The following KLHL1 variants were observed in gnomAD, a reference collection of about 807,000 sequenced individuals.
The protein encoded by KLHL1 is kelch like family member 1, also known as kelch-like protein 1.
In KLHL1, 47 loss-of-function variants were observed where a neutral mutation model predicts 77.7. The observed-to-expected ratio is 0.60, with a 90% CI of 0.48 to 0.77. The LOEUF (loss-of-function observed/expected upper bound fraction) is 0.77. Ranked by LOEUF, KLHL1 falls within the 30% of genes least tolerant of loss-of-function variation. The pLI, the probability that KLHL1 is intolerant of heterozygous loss-of-function variation, is 0.00. For synonymous variants in KLHL1, 360 were observed against 325.2 expected (o/e 1.11, Z -1.15); for missense variants, 925 against 910.8 (o/e 1.02, Z -0.20).
chr13:69,996,907 TA>T (rs1421064072), intron 1 of KLHL1, among the ~76,000 whole-genome samples: 41 of 141,288 alleles, frequency 2.9e-4, no homozygotes, highest in East Asian at 4.3e-4. Flanking sequence ...TTTTATTCAT[TA>T]AATTTTTTTT....
At chr13:70,028,829 T>C (rs1423492951) in intron 1 of KLHL1, among the ~76,000 whole-genome samples, 1 of 151,944 alleles carries the variant, frequency 6.6e-6, no homozygotes, top group African/African-American at 2.4e-5. Context: ...ATACAAAAAT[T>C]AGCCAAGCTT....
At chr13:70,073,418 G>A in intron 1 of KLHL1, among the ~76,000 whole-genome samples, 1 of 152,050 alleles carries the variant, frequency 6.6e-6, no homozygotes, top group South Asian at 2.1e-4. Context: ...TGGGGTTCGG[G>A]GAGGGAGGAG....
chr13:69,958,671 A>G (rs1410689451), intron 3 of KLHL1, among the ~76,000 whole-genome samples: 1 of 151,878 alleles, frequency 6.6e-6, no homozygotes, highest in African/African-American at 2.4e-5. Context: ...ACAGCTAATA[A>G]TTAACTATCA....
intron 6 of KLHL1, among the ~76,000 whole-genome samples, chr13:69,813,503 C>CACACACACACACACACATAT (rs34163072): frequency 1.1e-4 from 17 of 148,836 alleles, no homozygotes; most frequent in African/African-American, 4.0e-4. Flanking sequence ...CACACACACA[C>CACACACACACACACACATAT]ATATATATAT....
chr13:69,900,349 A>G (rs1318510062), intron 4 of KLHL1, among the ~76,000 whole-genome samples: 1 of 152,176 alleles, frequency 6.6e-6, no homozygotes, highest in Non-Finnish European at 1.5e-5. Context: ...ATATACCTCA[A>G]TGCATGCTGC....
chr13:69,872,893 T>C (rs115882166), intron 5 of KLHL1, among the ~76,000 whole-genome samples: 1,692 of 152,168 alleles, frequency 0.011, 31 homozygotes, highest in African/African-American at 0.038. Flanking sequence ...ACAAACATCT[T>C]TCATTAGGCC....
At chr13:69,861,333 T>C (rs1330700377) in intron 5 of KLHL1, among the ~76,000 whole-genome samples, 2 of 152,114 alleles carry the variant, frequency 1.3e-5, no homozygotes, top group Non-Finnish European at 2.9e-5. Flanking sequence ...TCTAAATTTG[T>C]ATAGATACTT....
At chr13:69,854,106 CT>C (rs1217351436) in intron 5 of KLHL1, among the ~76,000 whole-genome samples, 1 of 152,048 alleles carries the variant, frequency 6.6e-6, no homozygotes, top group Non-Finnish European at 1.5e-5. Flanking sequence ...TCTTTGACTT[CT>C]AACTTGTAAT....
chr13:69,924,045 A>G (rs1321157537), intron 4 of KLHL1, among the ~76,000 whole-genome samples: 2 of 152,200 alleles, frequency 1.3e-5, no homozygotes, highest in Non-Finnish European at 2.9e-5. Flanking sequence ...ACGTGTGCAC[A>G]TGCCTGCAGC....
At chr13:69,798,136 G>GTT (rs1877211714) in intron 6 of KLHL1, among the ~76,000 whole-genome samples, 1 of 152,134 alleles carries the variant, frequency 6.6e-6, no homozygotes, top group African/African-American at 2.4e-5. Flanking sequence ...TTGATGTAGT[G>GTT]TTTGACTTCA....
At chr13:69,960,994 C>T (rs550221430) in intron 3 of KLHL1, among the ~76,000 whole-genome samples, 1 of 152,096 alleles carries the variant, frequency 6.6e-6, no homozygotes, top group African/African-American at 2.4e-5. Flanking sequence ...TCTTTTCTTT[C>T]CTAAGCAAAC....
chr13:69,837,610 CTCTCTA>C (rs1380657068), intron 6 of KLHL1, among the ~76,000 whole-genome samples: 9 of 140,732 alleles, frequency 6.4e-5, no homozygotes, highest in Non-Finnish European at 1.4e-4. Context: ...ATACATCTCT[CTCTCTA>C]TATATATGTG....
intron 1 of KLHL1, among the ~76,000 whole-genome samples, chr13:70,008,994 T>C (rs1348326527): frequency 6.6e-6 from 1 of 152,176 alleles, no homozygotes; most frequent in Non-Finnish European, 1.5e-5. Flanking sequence ...TTCATGCTTA[T>C]ATGATGCTTC....
chr13:70,084,770 G>A (rs923252390), intron 1 of KLHL1, among the ~76,000 whole-genome samples: 1 of 150,696 alleles, frequency 6.6e-6, no homozygotes, highest in Non-Finnish European at 1.5e-5. Context: ...CCACTGCGCC[G>A]GGCCGTCTAT....
In KLHL1 at chr13:69,776,150, C is replaced by T. The variant is rs138295386; in HGVS notation, c.1639+20588G>A. Reference sequence around the variant, plus strand: ...CAGCCTGGGCGACAGAGTGAGACTCCGTCTCGGAAAAAAAAATAAAAATAA... The same window carrying T: ...CAGCCTGGGCGACAGAGTGAGACTCTGTCTCGGAAAAAAAAATAAAAATAA... On this transcript the variant is annotated intron_variant, in intron 7 of 10. Transcript: ENST00000377844. Among the ~76,000 whole-genome samples, 1,441 of 150,692 alleles carry T rather than the reference C, an allele frequency of 9.6e-3. 26 individuals are homozygous for T. The highest frequency in any genetic ancestry group is 0.033 in the African/African-American group (1,352 of 40,696).
At chr13:69,751,455 G>T (rs1331809572) in intron 7 of KLHL1, among the ~76,000 whole-genome samples, 1 of 152,048 alleles carries the variant, frequency 6.6e-6, no homozygotes, top group East Asian at 1.9e-4. Context: ...GGTGAAAAGT[G>T]ATGACTGAGC....
intron 7 of KLHL1, among the ~76,000 whole-genome samples, chr13:69,747,306 G>C (rs1874256953): frequency 6.6e-6 from 1 of 151,906 alleles, no homozygotes; most frequent in African/African-American, 2.4e-5. Flanking sequence ...ATAATCTATT[G>C]TATTGATTGT....
intron 1 of KLHL1, among the ~76,000 whole-genome samples, chr13:70,017,424 C>T (rs2439668): frequency 0.54 from 81,946 of 151,614 alleles, 22,355 homozygotes; most frequent in Non-Finnish European, 0.58. Context: ...CCAGCTGCAA[C>T]CTCAAAAAGA....
At chr13:70,025,081 C>T (rs1167356743) in intron 1 of KLHL1, among the ~76,000 whole-genome samples, 3 of 151,984 alleles carry the variant, frequency 2.0e-5, no homozygotes, top group African/African-American at 7.2e-5. Context: ...TGTGATCCTA[C>T]AGAAATATAA....
Sources: allele counts gnomAD v4.1 joint callset (sites outside exome capture counted in the v4.1 genomes callset), GRCh38; gene constraint gnomAD v4.1.1; transcripts MANE v1.5; gene names NCBI Gene and HGNC (gene_info 2026-07-23, HGNC 2026-07-21).